The following PXDNL variants were observed in gnomAD, a reference collection of about 807,000 sequenced individuals.
The protein encoded by PXDNL is peroxidasin like.
PXDNL carries 145 observed loss-of-function variants against 150.8 expected under a neutral mutation model. The ratio of observed to expected loss-of-function variants is 0.96; its 90% CI spans 0.84 to 1.10. The LOEUF (loss-of-function observed/expected upper bound fraction) is 1.10, where lower values mean the gene tolerates loss of function less well. Among genes scored for constraint, PXDNL ranks in the 50% least tolerant of loss-of-function variants. The pLI is 0.00. For missense variants in PXDNL, 2,087 were observed against 1,873.9 expected, an observed-to-expected ratio of 1.11 and a Z score of -2.10; for synonymous variants, 757 against 725.7, an observed-to-expected ratio of 1.04 and a Z score of -0.69.
intron 21 of PXDNL, among the ~76,000 whole-genome samples, chr8:51,324,057 C>A (rs1013877521): frequency 1.3e-5 from 2 of 151,932 alleles, no homozygotes; most frequent in African/African-American, 4.8e-5. Context: ...TGTAACTTTC[C>A]TTTTCCTATC....
intron 19 of PXDNL, among the ~76,000 whole-genome samples, chr8:51,356,498 A>AC (rs1053608915): frequency 8.2e-5 from 1 of 12,234 alleles, no homozygotes; most frequent in African/African-American, 1.7e-4. Flanking sequence ...AAAAAAGAAT[A>AC]AAAAAAAAAA....
intron 1 of PXDNL, among the ~76,000 whole-genome samples, chr8:51,807,372 ACAACAC>A (rs1320537375): frequency 6.6e-6 from 1 of 152,054 alleles, no homozygotes; most frequent in African/African-American, 2.4e-5. Context: ...TCTCGCCATG[ACAACAC>A]CAAGGGAGGT....
intron 1 of PXDNL, among the ~76,000 whole-genome samples, chr8:51,752,563 A>C (rs375451660): frequency 1.3e-5 from 2 of 152,158 alleles, no homozygotes; most frequent in East Asian, 3.9e-4. Flanking sequence ...TATTTAATAC[A>C]GATCATGTAT....
At chr8:51,528,115 A>C (rs1244108865) in intron 4 of PXDNL, among the ~76,000 whole-genome samples, 3 of 152,218 alleles carry the variant, frequency 2.0e-5, no homozygotes, top group African/African-American at 7.2e-5. Context: ...ATTAATAAAA[A>C]TGGTCACTTG....
At chr8:51,527,886 A>G (rs377581449) in intron 4 of PXDNL, among the ~76,000 whole-genome samples, 1 of 152,152 alleles carries the variant, frequency 6.6e-6, no homozygotes, top group African/African-American at 2.4e-5. Flanking sequence ...GGAGGTTAGG[A>G]GTGTGGATCC....
chr8:51,532,624 G>C (rs1198848118), intron 4 of PXDNL, among the ~76,000 whole-genome samples: 1 of 152,098 alleles, frequency 6.6e-6, no homozygotes, highest in Non-Finnish European at 1.5e-5. Context: ...CATTGGTGCA[G>C]GTTCAATTGA....
At chr8:51,777,539 A>G (rs2037365495) in intron 1 of PXDNL, among the ~76,000 whole-genome samples, 2 of 152,210 alleles carry the variant, frequency 1.3e-5, no homozygotes. Flanking sequence ...GGTTCAGTGA[A>G]TTTTTAACAC....
chr8:51,409,279 A>T lies in PXDNL; in HGVS notation c.2345T>A (p.Leu782Gln). 7.0e-7 allele frequency: 1 copy of T among 1,429,964 alleles called. No individual in the cohort carries two copies. The highest frequency in any genetic ancestry group is 9.1e-7 in the Non-Finnish European group (1 of 1,098,296). 88.6% of individuals were successfully genotyped at this position (1,429,964 alleles called of 1,614,324 possible). The change falls in exon 17 of 23, where the codon CTG becomes CAG. Residue 782 changes from leucine to glutamine, a missense_variant. Transcript: ENST00000356297. ...GSRQPLPPPR[L>Q]VATVWARAAA... ...CGCGCGCGCCCACACTGTGGCGACCAGCCGGGGCGGCGGGAGGGGCTGGCG... is the reference window on the plus strand; with the variant it reads ...CGCGCGCGCCCACACTGTGGCGACCTGCCGGGGCGGCGGGAGGGGCTGGCG...
At chr8:51,543,109 T>G (rs959377335) in intron 4 of PXDNL, among the ~76,000 whole-genome samples, 1 of 152,160 alleles carries the variant, frequency 6.6e-6, no homozygotes, top group Non-Finnish European at 1.5e-5. Flanking sequence ...ACTGTAATTA[T>G]TCTCATTTTA....
chr8:51,643,033 A>T (rs1238604232), intron 2 of PXDNL, among the ~76,000 whole-genome samples: 1 of 152,194 alleles, frequency 6.6e-6, no homozygotes, highest in East Asian at 1.9e-4. Context: ...CTGCTCAATG[A>T]AATAAAAGAG....
intron 1 of PXDNL, among the ~76,000 whole-genome samples, chr8:51,786,054 C>T (rs527956590): frequency 1.3e-5 from 2 of 152,230 alleles, no homozygotes; most frequent in Admixed American, 6.5e-5. Context: ...CAACCATCCC[C>T]GCTTCAAGGA....
Position 51,452,935 on chromosome 8 carries a change from A to AACACATAC in PXDNL, c.1249+583_1249+584insGTATGTGT, listed in dbSNP as rs60146365. On this transcript the variant is annotated intron_variant, in intron 10 of 22. Coordinates refer to ENST00000356297, the MANE Select transcript of PXDNL (RefSeq NM_144651.5). ...ACACACACACAAACGCACACACACA[A>AACACATAC]ACACACACACACACACACACATGCA... 4.4e-4 allele frequency among the ~76,000 whole-genome samples: 63 copies of AACACATAC among 142,670 alleles called. No homozygotes were observed. In the East Asian group the frequency reaches 7.2e-3, roughly 16 times the overall value. The allele number at this position is 142,670 out of a possible 152,430, so 93.6% of individuals were successfully genotyped here.
At chr8:51,479,065 T>C (rs1436290858) in intron 6 of PXDNL, among the ~76,000 whole-genome samples, 1 of 152,256 alleles carries the variant, frequency 6.6e-6, no homozygotes, top group African/African-American at 2.4e-5. Context: ...TCCCTCAGCC[T>C]CTTTATTGGC....
intron 14 of PXDNL, among the ~76,000 whole-genome samples, chr8:51,416,323 TA>T: frequency 6.6e-6 from 1 of 152,344 alleles, no homozygotes; most frequent in East Asian, 1.9e-4. Context: ...GAAGTTGATA[TA>T]AAGTATAAAT....
chr8:51,738,751 A>G (rs2036867436), intron 1 of PXDNL, among the ~76,000 whole-genome samples: 1 of 152,206 alleles, frequency 6.6e-6, no homozygotes, highest in South Asian at 2.1e-4. Flanking sequence ...GTAACTTAGA[A>G]ATTCTCAAAA....
chr8:51,370,542 C>T (rs1216648547), intron 19 of PXDNL, among the ~76,000 whole-genome samples: 3 of 152,184 alleles, frequency 2.0e-5, no homozygotes, highest in Admixed American at 6.5e-5. Context: ...CCACCCTCCC[C>T]GGGGTACCAC....
intron 19 of PXDNL, among the ~76,000 whole-genome samples, chr8:51,365,045 A>G (rs1293081481): frequency 1.3e-5 from 2 of 152,152 alleles, no homozygotes; most frequent in African/African-American, 2.4e-5. Flanking sequence ...GGTTCAAACA[A>G]TTCTCTTGCC....
At chr8:51,486,053 T>C (rs538342225) in intron 5 of PXDNL, among the ~76,000 whole-genome samples, 3 of 152,354 alleles carry the variant, frequency 2.0e-5, no homozygotes, top group Non-Finnish European at 4.4e-5. Flanking sequence ...CATTATTTTA[T>C]AAGTGGTGCA....
chr8:51,802,903 T>C (rs1169258111), intron 1 of PXDNL, among the ~76,000 whole-genome samples: 1 of 152,236 alleles, frequency 6.6e-6, no homozygotes, highest in Non-Finnish European at 1.5e-5. Context: ...AACTTAAACC[T>C]ACATCAACTT....
Sources: gnomAD v4.1 joint callset for allele counts (sites outside exome capture counted in the v4.1 genomes callset) on GRCh38, gnomAD v4.1.1 for gene constraint, MANE v1.5 for transcripts, NCBI Gene and HGNC (gene_info 2026-07-23, HGNC 2026-07-21) for gene names.